The following CNNM2 variants were observed in gnomAD, a reference collection of about 807,000 sequenced individuals.
CNNM2 encodes the protein metal transporter CNNM2.
CNNM2 carries 12 observed loss-of-function variants against 66.9 expected under a neutral mutation model. That is an observed-to-expected ratio of 0.18 (90% CI 0.11 to 0.29). The LOEUF is 0.29. Among genes scored for constraint, CNNM2 ranks in the 10% least tolerant of loss-of-function variants. CNNM2 has a pLI of 1.00. For missense variants in CNNM2, 705 were observed against 1,167.7 expected (o/e 0.60, Z 5.77); for synonymous variants, 557 against 501.8 (o/e 1.11, Z -1.47).
intron 1 of CNNM2, among the ~76,000 whole-genome samples, chr10:102,970,286 G>T (rs2063529494): frequency 6.6e-6 from 1 of 152,210 alleles, no homozygotes; most frequent in South Asian, 2.1e-4. Context: ...CTGCACTCCA[G>T]TCTGGGCAAC....
chr10:103,030,572 C>T (rs2064804447), intron 1 of CNNM2, among the ~76,000 whole-genome samples: 2 of 152,072 alleles, frequency 1.3e-5, no homozygotes, highest in African/African-American at 2.4e-5. Context: ...AAAAATTAGC[C>T]AGGCGTGGTG....
Position 103,053,285 on chromosome 10 carries a change from C to T in CNNM2, c.1766-1044C>T, listed in dbSNP as rs2065245102. ...ATCCCAGCACTTTGGGAGGCTGAGG[C>T]AGGAGGATTGCTTGAGCCCAGGAGT... On this transcript the variant is annotated intron_variant, in intron 2 of 7. Coordinates refer to ENST00000369878, the MANE Select transcript of CNNM2 (RefSeq NM_017649.5). 2.0e-5 allele frequency among the ~76,000 whole-genome samples: 3 copies of T among 152,088 alleles called. No homozygotes were observed. In the South Asian group the frequency reaches 6.2e-4, roughly 32 times the overall value.
At chr10:102,931,580 T>C (rs995005705) in intron 1 of CNNM2, among the ~76,000 whole-genome samples, 1 of 152,004 alleles carries the variant, frequency 6.6e-6, no homozygotes, top group African/African-American at 2.4e-5. Flanking sequence ...TGGTCTTGAA[T>C]TTTCTTCCTC....
chr10:102,996,669 G>A (rs1377845302), intron 1 of CNNM2, among the ~76,000 whole-genome samples: 2 of 152,194 alleles, frequency 1.3e-5, no homozygotes, highest in East Asian at 3.8e-4. Flanking sequence ...GGGAAACAGA[G>A]CAAGACCCTG....
chr10:103,083,533 A>G lies in CNNM2; in HGVS notation c.*6353A>G, dbSNP rs986660829. On this transcript the variant is annotated 3_prime_UTR_variant, in exon 8 of 8. Transcript: ENST00000369878. Reference sequence around the variant, plus strand: ...TGGGACTGGATCTCAGCATGACAACATAGAAGAGCATCTTCTTTGGACAGT... The same window carrying G: ...TGGGACTGGATCTCAGCATGACAACGTAGAAGAGCATCTTCTTTGGACAGT... The G allele has an allele frequency of 1.3e-5, 2 of 152,248 alleles. No individual in the cohort carries two copies. The highest frequency in any genetic ancestry group is 2.4e-5 in the African/African-American group (1 of 41,454). 9.4% of individuals were successfully genotyped at this position (152,248 alleles called of 1,614,324 possible). A position where few individuals can be genotyped will look rare whatever the true frequency, so the allele number is the denominator to read the frequency against.
chr10:103,067,301 CAAG>C (rs2065495702), intron 4 of CNNM2, among the ~76,000 whole-genome samples: 2 of 152,008 alleles, frequency 1.3e-5, no homozygotes, highest in Non-Finnish European at 2.9e-5. Context: ...CTCCTGGGCT[CAAG>C]CAATTTGCCT....
chr10:102,949,164 G>T (rs1383226290), intron 1 of CNNM2, among the ~76,000 whole-genome samples: 3 of 152,092 alleles, frequency 2.0e-5, no homozygotes, highest in Non-Finnish European at 4.4e-5. Flanking sequence ...GCTTTGTCAG[G>T]TTCACTAGAT....
At position 103,087,177 on chromosome 10, in the gene CNNM2, A is replaced by G. The variant is rs1414294878; in HGVS notation, c.*9997A>G. On this transcript the variant is annotated 3_prime_UTR_variant, in exon 8 of 8. Coordinates refer to ENST00000369878, the MANE Select transcript of CNNM2 (RefSeq NM_017649.5). ...TTTTTTTTTTTTTTTTTTTTTAAGG[A>G]AAAAAGTATACCTTTTAAGTTCAGC... 1 of 68,674 alleles carries G rather than the reference A, an allele frequency of 1.5e-5. No homozygotes were observed. The highest frequency in any genetic ancestry group is 4.5e-5 in the African/African-American group (1 of 22,038). 4.3% of individuals were successfully genotyped at this position (68,674 alleles called of 1,614,324 possible).
chr10:103,061,583 T>A (rs2065387455), intron 4 of CNNM2, among the ~76,000 whole-genome samples: 1 of 152,118 alleles, frequency 6.6e-6, no homozygotes, highest in Non-Finnish European at 1.5e-5. Context: ...GAAAAAATAG[T>A]CAATCTTCAA....
rs2065987476 is a variant in CNNM2 at position 103,088,569 on chromosome 10, T to TAGAG, written c.*11391_*11394dup. On this transcript the variant is annotated 3_prime_UTR_variant, in exon 8 of 8. Coordinates refer to ENST00000369878, the MANE Select transcript of CNNM2 (RefSeq NM_017649.5). ...CGCCCAGGTAATTTTGTATTTTTAG[T>TAGAG]AGAGATGGGGTTTCTCCATGTTGGT... The TAGAG allele has an allele frequency of 1.3e-5, 2 of 154,236 alleles. No homozygotes were observed. Among genetic ancestry groups the TAGAG allele is most frequent in the African/African-American group, 4.8e-5 (2 of 41,524 alleles). The allele number at this position is 154,236 out of a possible 1,614,324, so 9.6% of individuals were successfully genotyped here. A position where few individuals can be genotyped will look rare whatever the true frequency, so the allele number is the denominator to read the frequency against.
intron 1 of CNNM2, among the ~76,000 whole-genome samples, chr10:102,993,518 T>C (rs955271037): frequency 3.3e-5 from 5 of 152,164 alleles, no homozygotes; most frequent in African/African-American, 4.8e-5. Context: ...ATCTGATAAT[T>C]TTGGAATGTT....
chr10:102,952,966 G>A (rs927907364), intron 1 of CNNM2, among the ~76,000 whole-genome samples: 1 of 152,172 alleles, frequency 6.6e-6, no homozygotes, highest in African/African-American at 2.4e-5. Flanking sequence ...TTATTGCAGG[G>A]AAACTTGGAA....
chr10:103,077,241 C>G lies in CNNM2; in HGVS notation c.*61C>G. ...CCCAGTCCCGAGGGCCCGGCCCTGT[C>G]TGCCCATGACTTCACTGGTGTGAGC... On this transcript the variant is annotated 3_prime_UTR_variant, in exon 8 of 8. Transcript: ENST00000369878. 2.8e-6 allele frequency: 4 copies of G among 1,442,538 alleles called. No individual in the cohort carries two copies. The South Asian group carries it at 4.7e-5, about 17-fold the overall frequency. 89.4% of individuals were successfully genotyped at this position (1,442,538 alleles called of 1,614,324 possible). A position where few individuals can be genotyped will look rare whatever the true frequency, so the allele number is the denominator to read the frequency against.
At chr10:103,000,242 CAAATAAAT>C (rs139250349) in intron 1 of CNNM2, among the ~76,000 whole-genome samples, 24,877 of 146,106 alleles carry the variant, frequency 0.17, 2,231 homozygotes, top group African/African-American at 0.21. Context: ...GTCTCAAAAA[CAAATAAAT>C]AAATAAATAA....
At chr10:102,983,057 C>A (rs148328476) in intron 1 of CNNM2, among the ~76,000 whole-genome samples, 4 of 152,052 alleles carry the variant, frequency 2.6e-5, no homozygotes, top group African/African-American at 9.6e-5. Flanking sequence ...AAAGGAGACC[C>A]ATATTTTGTG....
chr10:103,007,732 A>G (rs1271680397), intron 1 of CNNM2, among the ~76,000 whole-genome samples: 1 of 152,122 alleles, frequency 6.6e-6, no homozygotes, highest in Non-Finnish European at 1.5e-5. Context: ...TTCTTTTTCA[A>G]GGTGCACTGA....
At chr10:103,005,808 A>C (rs1455784062) in intron 1 of CNNM2, among the ~76,000 whole-genome samples, 1 of 152,072 alleles carries the variant, frequency 6.6e-6, no homozygotes, top group Non-Finnish European at 1.5e-5. Context: ...AGCTCACTGC[A>C]GCCTTGATCT....
intron 1 of CNNM2, among the ~76,000 whole-genome samples, chr10:102,974,235 A>G (rs1343652820): frequency 6.6e-6 from 1 of 152,192 alleles, no homozygotes; most frequent in Non-Finnish European, 1.5e-5. Flanking sequence ...TACCCTAAAC[A>G]TAAGAGAGGG....
intron 1 of CNNM2, among the ~76,000 whole-genome samples, chr10:102,960,778 C>T (rs2063365935): frequency 6.9e-6 from 1 of 145,730 alleles, no homozygotes. Context: ...TGCCACCATA[C>T]CTGGCTTTTT....
Sources: allele counts gnomAD v4.1 joint callset (sites outside exome capture counted in the v4.1 genomes callset), GRCh38; gene constraint gnomAD v4.1.1; transcripts MANE v1.5; gene names NCBI Gene and HGNC (gene_info 2026-07-23, HGNC 2026-07-21).